Variants in GRIA1 observed in about 807,000 individuals in gnomAD.
The protein encoded by GRIA1 is glutamate receptor 1.
GRIA1 carries 31 observed loss-of-function variants against 99.2 expected under a neutral mutation model. The ratio of observed to expected loss-of-function variants is 0.31; its 90% CI spans 0.23 to 0.42. The LOEUF (loss-of-function observed/expected upper bound fraction) is 0.42. Among genes scored for constraint, GRIA1 ranks in the 10% least tolerant of loss-of-function variants. The probability of loss-of-function intolerance (pLI) is 1.00; values close to 1 mark genes in which losing one functional copy is unlikely to be tolerated. For synonymous variants in GRIA1, 438 were observed against 432.4 expected, an observed-to-expected ratio of 1.01 and a Z score of -0.16; for missense variants, 782 against 1,157.5, an observed-to-expected ratio of 0.68 and a Z score of 4.71.
In GRIA1 at chr5:153,657,375, T is replaced by A. The variant is rs1408296064; in HGVS notation, c.699+1503T>A. Among the ~76,000 whole-genome samples the A allele has an allele frequency of 2.6e-5, 4 of 152,230 alleles. No homozygotes were observed. In the East Asian group the frequency reaches 7.7e-4, roughly 29 times the overall value. ...CTTAATGATAACTATTTCTACAGTTTATTATCCTGTTCTGTCTTTGCAATT... is the reference window on the plus strand; with the variant it reads ...CTTAATGATAACTATTTCTACAGTTAATTATCCTGTTCTGTCTTTGCAATT... On this transcript the variant is annotated intron_variant, in intron 5 of 15. Transcript: ENST00000285900.
intron 2 of GRIA1, among the ~76,000 whole-genome samples, chr5:153,547,764 G>A (rs1759739943): frequency 6.6e-6 from 1 of 152,108 alleles, no homozygotes. Context: ...CAGACCTGTG[G>A]AAGAACCTGG....
intron 2 of GRIA1, among the ~76,000 whole-genome samples, chr5:153,623,762 A>G (rs1767296885): frequency 6.6e-6 from 1 of 152,202 alleles, no homozygotes; most frequent in African/African-American, 2.4e-5. Flanking sequence ...TGCATTCAAC[A>G]TGCATAATGG....
At chr5:153,636,414 G>A (rs1009040034) in intron 2 of GRIA1, among the ~76,000 whole-genome samples, 1 of 152,144 alleles carries the variant, frequency 6.6e-6, no homozygotes, top group Non-Finnish European at 1.5e-5. Flanking sequence ...GCCAGCCCAA[G>A]GCCAGATTTT....
chr5:153,519,046 C>T (rs35830203), intron 2 of GRIA1, among the ~76,000 whole-genome samples: 5,003 of 152,276 alleles, frequency 0.033, 96 homozygotes, highest in Non-Finnish European at 0.046. Context: ...GGGCAGATCA[C>T]AAGGTCAGGA....
intron 2 of GRIA1, among the ~76,000 whole-genome samples, chr5:153,514,970 G>A (rs1344391641): frequency 1.3e-5 from 2 of 152,092 alleles, no homozygotes; most frequent in Non-Finnish European, 2.9e-5. Flanking sequence ...TGCTGGTAAG[G>A]ATGTGAAAAG....
intron 11 of GRIA1, among the ~76,000 whole-genome samples, chr5:153,734,335 C>T (rs1403942845): frequency 6.6e-6 from 1 of 152,132 alleles, no homozygotes; most frequent in Non-Finnish European, 1.5e-5. Flanking sequence ...GCAGAGATTG[C>T]CCTTGATATT....
At chr5:153,671,264 G>A (rs1756150107) in intron 5 of GRIA1, among the ~76,000 whole-genome samples, 2 of 152,338 alleles carry the variant, frequency 1.3e-5, no homozygotes, top group African/African-American at 4.8e-5. Context: ...GATGGAAGCA[G>A]TCAGTATGAA....
chr5:153,802,986 A>G (rs772568641), intron 15 of GRIA1, among the ~76,000 whole-genome samples: 12 of 152,214 alleles, frequency 7.9e-5, no homozygotes, highest in Non-Finnish European at 1.6e-4. Context: ...GATTAGTGAG[A>G]TGACCCCAAA....
chr5:153,751,175 G>A (rs1762487956), intron 11 of GRIA1, among the ~76,000 whole-genome samples: 1 of 152,176 alleles, frequency 6.6e-6, no homozygotes, highest in African/African-American at 2.4e-5. Context: ...AAGAAACAAG[G>A]CAGGATGCCC....
intron 4 of GRIA1, among the ~76,000 whole-genome samples, chr5:153,651,661 C>T (rs905110820): frequency 6.6e-6 from 1 of 152,136 alleles, no homozygotes; most frequent in African/African-American, 2.4e-5. Flanking sequence ...ACTCAGAGGC[C>T]TCAGCAATAG....
At chr5:153,683,732 C>A (rs1234207053) in intron 7 of GRIA1, among the ~76,000 whole-genome samples, 2 of 152,152 alleles carry the variant, frequency 1.3e-5, no homozygotes, top group Non-Finnish European at 2.9e-5. Flanking sequence ...CTTTTACCCA[C>A]TCTACACAGC....
chr5:153,556,480 G>A (rs893189109), intron 2 of GRIA1, among the ~76,000 whole-genome samples: 1 of 152,112 alleles, frequency 6.6e-6, no homozygotes, highest in African/African-American at 2.4e-5. Context: ...AAGGCAGTAA[G>A]TCTCATTTTT....
At chr5:153,808,388 G>T (rs1287322077) in intron 15 of GRIA1, among the ~76,000 whole-genome samples, 1 of 152,036 alleles carries the variant, frequency 6.6e-6, no homozygotes, top group Non-Finnish European at 1.5e-5. Flanking sequence ...CACGACGGGG[G>T]GCGGGGAGTG....
chr5:153,595,850 G>T (rs1764384608), intron 2 of GRIA1, among the ~76,000 whole-genome samples: 2 of 151,174 alleles, frequency 1.3e-5, no homozygotes, highest in Admixed American at 6.6e-5. Flanking sequence ...GACACAGAAT[G>T]CTGGGCAGGC....
At chr5:153,513,109 T>C (rs559585992) in intron 2 of GRIA1, among the ~76,000 whole-genome samples, 43 of 152,306 alleles carry the variant, frequency 2.8e-4, no homozygotes, top group African/African-American at 9.4e-4. Context: ...AAGTCACCAT[T>C]CCATAGTATT....
intron 2 of GRIA1, among the ~76,000 whole-genome samples, chr5:153,502,912 T>C (rs1755145282): frequency 1.3e-5 from 2 of 152,196 alleles, no homozygotes; most frequent in Admixed American, 1.3e-4. Context: ...ATAATTATAG[T>C]ACTAAGGATA....
intron 8 of GRIA1, among the ~76,000 whole-genome samples, chr5:153,691,422 T>G (rs529813847): frequency 2.6e-5 from 4 of 152,312 alleles, no homozygotes; most frequent in African/African-American, 9.6e-5. Context: ...ATTTTTAGAC[T>G]GGGTGGAGGA....
rs142936273 is a variant in GRIA1, at chr5:153,720,437, A to C, written c.1823+14370A>C. On this transcript the variant is annotated intron_variant, in intron 11 of 15. Coordinates refer to ENST00000285900, the MANE Select transcript of GRIA1 (RefSeq NM_000827.4). ...CCCTTCAAGAGATCTGAACACTAAA[A>C]TAAGCCCAGTCACTGCCTCTGTCTT... Among the ~76,000 whole-genome samples the C allele has an allele frequency of 2.0e-5, 3 of 152,318 alleles. No homozygotes were observed. The East Asian group carries it at 5.8e-4, about 29-fold the overall frequency.
intron 8 of GRIA1, among the ~76,000 whole-genome samples, chr5:153,688,445 T>C (rs1757492675): frequency 6.6e-6 from 1 of 152,226 alleles, no homozygotes; most frequent in Non-Finnish European, 1.5e-5. Context: ...GCTAGGTCAC[T>C]TAGCTCTTAT....
Sources: allele counts gnomAD v4.1 joint callset (sites outside exome capture counted in the v4.1 genomes callset), GRCh38; gene constraint gnomAD v4.1.1; transcripts MANE v1.5; gene names NCBI Gene and HGNC (gene_info 2026-07-23, HGNC 2026-07-21).